The following RANBP2 variants were observed in gnomAD, a reference collection of about 807,000 sequenced individuals.
The protein encoded by RANBP2 is E3 SUMO-protein ligase RanBP2.
Under a neutral mutation model 303.6 loss-of-function variants are expected in RANBP2, and 57 were observed. The ratio of observed to expected loss-of-function variants is 0.19; its 90% confidence interval spans 0.15 to 0.23. The LOEUF (loss-of-function observed/expected upper bound fraction) is 0.23. RANBP2 is among the 10% of genes least tolerant of loss of function. The pLI is 1.00. For synonymous variants in RANBP2, 1,167 were observed against 1,301.5 expected (o/e 0.90, Z 2.23); for missense variants, 3,138 against 3,780.8 (o/e 0.83, Z 4.46).
the RANBP2 span, among the ~76,000 whole-genome samples, chr2:109,497,545 G>T: frequency 6.6e-6 from 1 of 152,352 alleles, no homozygotes; most frequent in South Asian, 2.1e-4. Context: ...GGGCAGAGTT[G>T]CTTGCTGATT....
At chr2:109,348,091 C>G in the RANBP2 span, 1 of 1,163,042 alleles carries the variant, frequency 8.6e-7, no homozygotes, top group Non-Finnish European at 1.2e-6. Context: ...GGGCAAATGA[C>G]CCAGCCTCCC....
At chr2:109,163,420 A>T in the RANBP2 span, among the ~76,000 whole-genome samples, 3 of 60,896 alleles carry the variant, frequency 4.9e-5, no homozygotes, top group African/African-American at 9.4e-5. Flanking sequence ...TTTTTTTGAG[A>T]CGGAGTCTCG....
At chr2:109,585,244 A>C in the RANBP2 span, 1 of 1,613,308 alleles carries the variant, frequency 6.2e-7, no homozygotes, top group Non-Finnish European at 8.5e-7. Flanking sequence ...TTTGGGCAAA[A>C]ATGTGAGGAT....
At chr2:108,813,248 CAAAAAAAAA>C in the RANBP2 span, among the ~76,000 whole-genome samples, 18 of 63,564 alleles carry the variant, frequency 2.8e-4, no homozygotes, top group East Asian at 1.5e-3. Flanking sequence ...GACTCCGTCT[CAAAAAAAAA>C]AAAAAAAAAA....
At chr2:109,265,464 G>A in the RANBP2 span, among the ~76,000 whole-genome samples, 1 of 152,212 alleles carries the variant, frequency 6.6e-6, no homozygotes, top group Non-Finnish European at 1.5e-5. Flanking sequence ...ACCTCCCAGC[G>A]TGGAAATAAC....
chr2:109,201,287 A>G, the RANBP2 span, among the ~76,000 whole-genome samples: 2 of 152,236 alleles, frequency 1.3e-5, no homozygotes, highest in Admixed American at 1.3e-4. Context: ...AGCCTTTCAC[A>G]GACAGACCCC....
the RANBP2 span, among the ~76,000 whole-genome samples, chr2:109,334,551 C>G: frequency 1.3e-5 from 2 of 152,074 alleles, no homozygotes; most frequent in Admixed American, 1.3e-4. Flanking sequence ...AGCAGGGGAA[C>G]CCTCACCCGC....
chr2:109,300,939 G>T, the RANBP2 span, among the ~76,000 whole-genome samples: 2 of 152,238 alleles, frequency 1.3e-5, no homozygotes, highest in Non-Finnish European at 2.9e-5. Context: ...CCACAGCATG[G>T]CTGCTGGCTA....
chr2:109,633,036 A>C, the RANBP2 span, among the ~76,000 whole-genome samples: 3 of 152,254 alleles, frequency 2.0e-5, no homozygotes, highest in East Asian at 5.8e-4. Flanking sequence ...TTTTGATGGG[A>C]AATAGAAGGC....
At chr2:109,221,455 C>T in the RANBP2 span, among the ~76,000 whole-genome samples, 1 of 152,056 alleles carries the variant, frequency 6.6e-6, no homozygotes, top group Non-Finnish European at 1.5e-5. Flanking sequence ...TGGTGGTGCA[C>T]GCCTGTAATC....
rs750198620 is a variant in RANBP2, at chr2:108,753,904, G to C, written c.2135G>C (p.Arg712Thr). ...EEQEECKNYL[R>T]KTRDYLIKII... ...CAAGAAGAATGCAAAAATTATCTGA[G>C]AAAGACCAGGGACTACCTAATAAAG... The change falls in exon 15 of 29, where the codon AGA becomes ACA. Residue 712 changes from arginine (R) to threonine (T), a missense_variant. Transcript: ENST00000283195. The C allele has an allele frequency of 8.7e-6, 14 of 1,611,874 alleles. No homozygotes were observed. Among genetic ancestry groups the C allele is most frequent in the East Asian group, 2.2e-5 (1 of 44,868 alleles).
the RANBP2 span, among the ~76,000 whole-genome samples, chr2:108,898,370 G>A: frequency 6.6e-6 from 1 of 152,156 alleles, no homozygotes; most frequent in African/African-American, 2.4e-5. Flanking sequence ...AATCCCCCTT[G>A]AGTGTTAGTG....
At chr2:109,689,122 A>G in the RANBP2 span, among the ~76,000 whole-genome samples, 1 of 151,702 alleles carries the variant, frequency 6.6e-6, no homozygotes, top group African/African-American at 2.4e-5. Context: ...GGCCAGGCTG[A>G]TCTTGAACTC....
intron 1 of RANBP2, among the ~76,000 whole-genome samples, chr2:108,720,555 A>C (rs1694154401): frequency 6.6e-6 from 1 of 152,200 alleles, no homozygotes; most frequent in Non-Finnish European, 1.5e-5. Flanking sequence ...CAGAATCTTG[A>C]GTCAGTTTGC....
chr2:109,491,251 G>A, the RANBP2 span, among the ~76,000 whole-genome samples: 3 of 152,298 alleles, frequency 2.0e-5, no homozygotes, highest in East Asian at 1.9e-4. Context: ...TGAGTGGTCT[G>A]TGCCCCCTCA....
chr2:109,202,479 C>G, the RANBP2 span, among the ~76,000 whole-genome samples: 35 of 152,296 alleles, frequency 2.3e-4, no homozygotes, highest in African/African-American at 7.7e-4. Flanking sequence ...CTCTTTGTCC[C>G]TGGGGCGCGT....
chr2:109,706,862 C>T, the RANBP2 span, among the ~76,000 whole-genome samples: 1 of 152,180 alleles, frequency 6.6e-6, no homozygotes, highest in African/African-American at 2.4e-5. Context: ...CCCTCACTTT[C>T]CACAGCAGGA....
At chr2:109,211,272 T>G in the RANBP2 span, among the ~76,000 whole-genome samples, 1 of 152,242 alleles carries the variant, frequency 6.6e-6, no homozygotes. Flanking sequence ...GGGGATGTCC[T>G]GCCATTTGCA....
chr2:109,055,287 G>A, the RANBP2 span, among the ~76,000 whole-genome samples: 1 of 151,692 alleles, frequency 6.6e-6, no homozygotes, highest in East Asian at 1.9e-4. Flanking sequence ...TTCTTGGTCA[G>A]CTATATGTAT....
Sources: allele counts gnomAD v4.1 joint callset (sites outside exome capture counted in the v4.1 genomes callset), GRCh38; gene constraint gnomAD v4.1.1; transcripts MANE v1.5; gene names NCBI Gene and HGNC (gene_info 2026-07-23, HGNC 2026-07-21).